The following ALMS1 variants were observed in gnomAD, a reference collection of about 807,000 sequenced individuals.
ALMS1 encodes centrosome-associated protein ALMS1.
A neutral mutation model predicts 352.2 loss-of-function variants in ALMS1; 271 were observed. The ratio of observed to expected loss-of-function variants is 0.77; its 90% CI spans 0.70 to 0.85. ALMS1 has a LOEUF of 0.85. ALMS1 is among the 40% of genes least tolerant of loss of function. The pLI is 0.00. For missense variants in ALMS1, 5,445 were observed against 4,870.7 expected (o/e 1.12, Z -3.51); for synonymous variants, 1,865 against 1,761.2 (o/e 1.06, Z -1.48).
chr2:73,513,757 A>G (rs1280211331), intron 10 of ALMS1, among the ~76,000 whole-genome samples: 1 of 152,014 alleles, frequency 6.6e-6, no homozygotes, highest in Admixed American at 6.5e-5. Flanking sequence ...GAAGCCCTCC[A>G]TATCCTGATT....
chr2:73,576,365 TTC>T (rs1675054189), intron 16 of ALMS1, among the ~76,000 whole-genome samples: 1 of 152,188 alleles, frequency 6.6e-6, no homozygotes, highest in Non-Finnish European at 1.5e-5. Flanking sequence ...TGCAATTTCT[TTC>T]TTAATTTCAT....
chr2:73,485,873 A>G (rs980270726), intron 9 of ALMS1, among the ~76,000 whole-genome samples: 3 of 152,172 alleles, frequency 2.0e-5, no homozygotes, highest in Non-Finnish European at 4.4e-5. Flanking sequence ...TGACTAGGAA[A>G]GGGAACTCCC....
At position 73,450,550 on chromosome 2, in the gene ALMS1, T is replaced by C; in HGVS notation, c.4023T>C (p.Gly1341=). The change falls in exon 8 of 23, where the codon GGT becomes GGC. Residue 1341 remains glycine, a synonymous_variant. Coordinates refer to ENST00000613296, the MANE Select transcript of ALMS1 (RefSeq NM_001378454.1). ...TCTACTCACACACAGAGAAGCCTGG[T>C]GTTTTCTACCAACAGGTCTTGCCAC... ...STFYSHTEKP[G]VFYQQVLPHS... 6.2e-7 allele frequency: 1 copy of C among 1,611,136 alleles called. No individual in the cohort carries two copies. The highest frequency in any genetic ancestry group is 8.5e-7 in the Non-Finnish European group (1 of 1,179,544).
intron 10 of ALMS1, among the ~76,000 whole-genome samples, chr2:73,492,056 TATG>T (rs1471469761): frequency 1.3e-5 from 2 of 152,206 alleles, no homozygotes; most frequent in Admixed American, 6.5e-5. Context: ...TGCTCCCTGA[TATG>T]ATGCCCCACC....
At chr2:73,572,210 A>G (rs1333509587) in intron 15 of ALMS1, 52 bp from the exon 16 acceptor site, 12 of 1,460,256 alleles carry the variant, frequency 8.2e-6, no homozygotes, top group Non-Finnish European at 1.9e-6. Context: ...GTATTTCTAA[A>G]CAGAATGCTA....
rs1265738937 is a variant in ALMS1 at position 73,417,859 on chromosome 2, TCACCA to T, written c.451-1263_451-1259del. On this transcript the variant is annotated intron_variant, in intron 2 of 22. Coordinates refer to ENST00000613296, the MANE Select transcript of ALMS1 (RefSeq NM_001378454.1). ...AAAAGGAAAATACCTTTTAAACTTG[TCACCA>T]TTAGTATTTAATACGACTTTAATTC... Among the ~76,000 whole-genome samples, 6 of 152,226 alleles carry T rather than the reference TCACCA, an allele frequency of 3.9e-5. No individual in the cohort carries two copies. In the South Asian group the frequency reaches 8.3e-4, roughly 21 times the overall value.
Position 73,402,359 on chromosome 2 carries a change from C to T in ALMS1, c.325-6263C>T, listed in dbSNP as rs574690103. The stretch of plus-strand genomic sequence containing the variant: ...TGTGTTCTCAACTCACTGCAACCTC[C>T]GCCTCCCGAGTTCAAGCGATTCTTG... On this transcript the variant is annotated intron_variant, in intron 1 of 22. Coordinates refer to ENST00000613296, the MANE Select transcript of ALMS1 (RefSeq NM_001378454.1). Among the ~76,000 whole-genome samples, 17 of 150,356 alleles carry T rather than the reference C, an allele frequency of 1.1e-4. No individual in the cohort carries two copies. The South Asian group carries it at 2.5e-3, about 23-fold the overall frequency.
At chr2:73,567,267 A>C (rs1285284208) in intron 15 of ALMS1, among the ~76,000 whole-genome samples, 1 of 152,166 alleles carries the variant, frequency 6.6e-6, no homozygotes, top group Non-Finnish European at 1.5e-5. Context: ...ATTAATGTAA[A>C]CTCAAGTGCA....
chr2:73,534,184 A>G (rs1200744317), intron 11 of ALMS1, among the ~76,000 whole-genome samples: 4 of 152,170 alleles, frequency 2.6e-5, no homozygotes, highest in Non-Finnish European at 5.9e-5. Context: ...AAAAACAGGA[A>G]AAGATGGGTA....
chr2:73,432,323 A>G (rs748453467), intron 7 of ALMS1, 32 bp downstream of exon 7: 1 of 1,469,476 alleles, frequency 6.8e-7, no homozygotes, highest in Non-Finnish European at 9.5e-7. Flanking sequence ...TAAATGTCCT[A>G]CTTACGGATA....
At chr2:73,549,160 CTT>C (rs1674378976) in intron 12 of ALMS1, among the ~76,000 whole-genome samples, 1 of 152,062 alleles carries the variant, frequency 6.6e-6, no homozygotes, top group African/African-American at 2.4e-5. Flanking sequence ...TAGTATAAGC[CTT>C]TATATGTCCA....
intron 14 of ALMS1, among the ~76,000 whole-genome samples, chr2:73,557,771 A>G (rs1674576044): frequency 6.6e-6 from 1 of 152,254 alleles, no homozygotes; most frequent in South Asian, 2.1e-4. Context: ...CAAAGGGATT[A>G]TGCTGATTTA....
At chr2:73,519,746 C>G in intron 10 of ALMS1, 29 bp from the exon 11 acceptor site, 1 of 1,613,460 alleles carries the variant, frequency 6.2e-7, no homozygotes, top group South Asian at 1.1e-5. Context: ...AGGATATAAT[C>G]TGCTGTATTC....
At chr2:73,519,751 G>A (rs1213868112) in intron 10 of ALMS1, 24 bp from the exon 11 acceptor site, 6 of 1,613,592 alleles carry the variant, frequency 3.7e-6, no homozygotes, top group African/African-American at 1.3e-5. Context: ...ATAATCTGCT[G>A]TATTCTTTCT....
At chr2:73,475,249 C>T (rs1672559352) in intron 9 of ALMS1, among the ~76,000 whole-genome samples, 1 of 152,092 alleles carries the variant, frequency 6.6e-6, no homozygotes, top group African/African-American at 2.4e-5. Flanking sequence ...ATATACCTAA[C>T]AGTAGAATTA....
chr2:73,432,903 C>G (rs551087723), intron 7 of ALMS1, among the ~76,000 whole-genome samples: 1 of 152,066 alleles, frequency 6.6e-6, no homozygotes, highest in Admixed American at 6.5e-5. Context: ...CTGTTTATTC[C>G]TTTGTGTGAC....
At chr2:73,426,971 T>C (rs962658360) in intron 6 of ALMS1, among the ~76,000 whole-genome samples, 1 of 152,196 alleles carries the variant, frequency 6.6e-6, no homozygotes, top group Non-Finnish European at 1.5e-5. Flanking sequence ...TATGTTCCAT[T>C]AGAGGTTGGT....
Position 73,432,290 on chromosome 2 carries a change from A to G in ALMS1, c.1431A>G (p.Ala477=). The G allele has an allele frequency of 6.2e-7, 1 of 1,605,252 alleles. No homozygotes were observed. Among genetic ancestry groups the G allele is most frequent in the Non-Finnish European group, 8.5e-7 (1 of 1,172,160 alleles). The change falls in exon 7 of 23, where the codon GCA becomes GCG. Residue 477 remains alanine, a splice_region_variant and synonymous_variant. Coordinates refer to ENST00000613296, the MANE Select transcript of ALMS1 (RefSeq NM_001378454.1). The part of the protein sequence containing the change: ...TVPKAPKHLK[A]GDTSKGGIAK... ...CAAAGGCTCCTAAACATTTAAAAGC[A>G]GGTACGTAGAAAAAGGAGATAGTAA...
intron 11 of ALMS1, among the ~76,000 whole-genome samples, chr2:73,523,060 G>T (rs1673718168): frequency 6.6e-6 from 1 of 152,036 alleles, no homozygotes; most frequent in South Asian, 2.1e-4. Flanking sequence ...AGTCACAAAG[G>T]TTGAAAGCAA....
Sources: gnomAD v4.1 joint callset for allele counts (sites outside exome capture counted in the v4.1 genomes callset) on GRCh38, gnomAD v4.1.1 for gene constraint, MANE v1.5 for transcripts, NCBI Gene and HGNC (gene_info 2026-07-23, HGNC 2026-07-21) for gene names.